Variants in COMMD10 observed in about 807,000 individuals in gnomAD.
COMMD10 encodes the protein COMM domain-containing protein 10.
COMMD10 carries 33 observed loss-of-function variants against 28.9 expected under a neutral mutation model. The ratio of observed to expected loss-of-function variants is 1.14; its 90% CI spans 0.87 to 1.53. COMMD10 has a LOEUF of 1.53. Ranked by LOEUF, COMMD10 falls within the 40% of genes most tolerant of loss-of-function variation. The probability of loss-of-function intolerance (pLI) is 0.00; values close to 1 mark genes in which losing one functional copy is unlikely to be tolerated. For synonymous variants in COMMD10, 110 were observed against 81.7 expected (o/e 1.35, Z -1.87); for missense variants, 310 against 233.4 (o/e 1.33, Z -2.14).
At chr5:116,107,968 C>G (rs56054650) in intron 4 of COMMD10, among the ~76,000 whole-genome samples, 11,551 of 152,264 alleles carry the variant, frequency 0.076, 833 homozygotes, top group African/African-American at 0.18. Context: ...GATGTCCACT[C>G]CAGACCCTGT....
intron 5 of COMMD10, among the ~76,000 whole-genome samples, chr5:116,165,436 T>C (rs1753058017): frequency 6.6e-6 from 1 of 152,190 alleles, no homozygotes; most frequent in African/African-American, 2.4e-5. Flanking sequence ...AAACAAAATA[T>C]CACAGGGTGG....
At chr5:116,185,499 G>A (rs953618268) in intron 5 of COMMD10, among the ~76,000 whole-genome samples, 1 of 151,386 alleles carries the variant, frequency 6.6e-6, no homozygotes, top group Admixed American at 6.6e-5. Context: ...CTTTTTCTCC[G>A]ATGCCACCCT....
At chr5:116,239,835 T>C (rs1749767839) in intron 5 of COMMD10, among the ~76,000 whole-genome samples, 1 of 152,184 alleles carries the variant, frequency 6.6e-6, no homozygotes, top group Non-Finnish European at 1.5e-5. Flanking sequence ...TGAGGACTGC[T>C]CCAGGTTTGC....
At chr5:116,108,246 C>T (rs1329020636) in intron 4 of COMMD10, among the ~76,000 whole-genome samples, 4 of 152,194 alleles carry the variant, frequency 2.6e-5, no homozygotes, top group East Asian at 1.9e-4. Context: ...CAGGCAGGGG[C>T]GTTTAAGTCT....
intron 5 of COMMD10, among the ~76,000 whole-genome samples, chr5:116,266,096 G>C (rs1381930776): frequency 6.6e-6 from 1 of 151,618 alleles, no homozygotes; most frequent in South Asian, 2.1e-4. Context: ...TTAAAAAAGC[G>C]GCAGGATTTT....
intron 4 of COMMD10, among the ~76,000 whole-genome samples, chr5:116,124,196 G>A (rs1017334274): frequency 1.3e-5 from 2 of 152,128 alleles, no homozygotes; most frequent in African/African-American, 4.8e-5. Context: ...TCTTTCTCTT[G>A]TGGGCATTTA....
At chr5:116,130,921 C>G (rs1482169827) in intron 4 of COMMD10, among the ~76,000 whole-genome samples, 1 of 151,842 alleles carries the variant, frequency 6.6e-6, no homozygotes, top group Admixed American at 6.6e-5. Context: ...GTTTTAAAAT[C>G]AAAATACTTG....
chr5:116,087,417 G>A (rs2112704777), intron 1 of COMMD10, 80 bp from the exon 2 acceptor site: 2 of 852,100 alleles, frequency 2.3e-6, no homozygotes, highest in South Asian at 1.4e-5. Flanking sequence ...TTGTTGGAAT[G>A]AAAACTTATA....
At chr5:116,189,529 C>T (rs963102425) in intron 5 of COMMD10, among the ~76,000 whole-genome samples, 11 of 152,226 alleles carry the variant, frequency 7.2e-5, no homozygotes, top group East Asian at 5.8e-4. Flanking sequence ...GTGTGCCATC[C>T]GAATTGTTTC....
At chr5:116,261,735 T>C (rs1750451852) in intron 5 of COMMD10, among the ~76,000 whole-genome samples, 1 of 151,738 alleles carries the variant, frequency 6.6e-6, no homozygotes, top group African/African-American at 2.4e-5. Flanking sequence ...TGGTCTAACT[T>C]GTATCTTCAC....
intron 5 of COMMD10, among the ~76,000 whole-genome samples, chr5:116,290,841 G>A (rs111783726): frequency 3.5e-4 from 53 of 152,260 alleles, no homozygotes; most frequent in African/African-American, 1.3e-3. Flanking sequence ...AGGTTGGATT[G>A]AGTTGAGTTG....
intron 5 of COMMD10, among the ~76,000 whole-genome samples, chr5:116,258,219 A>G (rs577895847): frequency 4.0e-5 from 6 of 151,886 alleles, no homozygotes; most frequent in South Asian, 2.1e-4. Flanking sequence ...CCGAATTTCA[A>G]TACTCTTTTC....
intron 5 of COMMD10, among the ~76,000 whole-genome samples, chr5:116,236,204 G>A (rs1211435518): frequency 2.0e-5 from 3 of 152,050 alleles, no homozygotes; most frequent in African/African-American, 7.2e-5. Context: ...ATTATTCAGT[G>A]CTAAAAAGAA....
intron 5 of COMMD10, among the ~76,000 whole-genome samples, chr5:116,155,648 C>A (rs1319670619): frequency 6.6e-6 from 1 of 151,960 alleles, no homozygotes; most frequent in Non-Finnish European, 1.5e-5. Context: ...TAATGAGTGC[C>A]TAATTTGAAG....
intron 4 of COMMD10, among the ~76,000 whole-genome samples, chr5:116,133,015 C>CT (rs1751909698): frequency 6.6e-6 from 1 of 152,240 alleles, no homozygotes; most frequent in Admixed American, 6.5e-5. Context: ...TCCAACTTGG[C>CT]TTTGAGTCAC....
In COMMD10 at chr5:116,292,721, T is replaced by C. The variant is rs1036044838; in HGVS notation, c.*232T>C. The C allele has an allele frequency of 1.7e-5, 7 of 417,870 alleles. No individual in the cohort carries two copies. Among genetic ancestry groups the C allele is most frequent in the East Asian group, 7.0e-5 (2 of 28,734 alleles). 25.9% of individuals were successfully genotyped at this position (417,870 alleles called of 1,614,324 possible). On this transcript the variant is annotated 3_prime_UTR_variant, in exon 7 of 7. Transcript: ENST00000274458. ...CCAACAGTAATTATTAAGAACACTT[T>C]CCCTTTAAAGGAAACAAAAGTGAAT...
rs192384081 is a variant in COMMD10, at chr5:116,146,824, T to G, written c.510+12646T>G. ...GAAGAAATTATTGGGCACTTTTGGC[T>G]GTTTTGATGGTATTGGGAGAAGGGA... On this transcript the variant is annotated intron_variant, in intron 5 of 6. Transcript: ENST00000274458. Among the ~76,000 whole-genome samples, 33 of 151,980 alleles carry G rather than the reference T, an allele frequency of 2.2e-4. 1 individual carries two copies. In the East Asian group the frequency reaches 6.0e-3, roughly 28 times the overall value.
At chr5:116,157,000 G>A (rs1276577492) in intron 5 of COMMD10, among the ~76,000 whole-genome samples, 1 of 152,074 alleles carries the variant, frequency 6.6e-6, no homozygotes, top group Non-Finnish European at 1.5e-5. Context: ...TTTCTGCCTA[G>A]AGATCTCAGG....
chr5:116,257,612 G>C (rs76055713), intron 5 of COMMD10, among the ~76,000 whole-genome samples: 1 of 151,528 alleles, frequency 6.6e-6, no homozygotes, highest in Non-Finnish European at 1.5e-5. Flanking sequence ...TTAGCAGGGG[G>C]CCCTTTACCT....
Sources: gnomAD v4.1 joint callset for allele counts (sites outside exome capture counted in the v4.1 genomes callset) on GRCh38, gnomAD v4.1.1 for gene constraint, MANE v1.5 for transcripts, NCBI Gene and HGNC (gene_info 2026-07-23, HGNC 2026-07-21) for gene names.